PCNX2: variants seen among roughly 807,000 people sequenced by gnomAD.
The protein encoded by PCNX2 is pecanex 2.
PCNX2 carries 168 observed loss-of-function variants against 223.8 expected under a neutral mutation model. The ratio of observed to expected loss-of-function variants is 0.75; its 90% CI spans 0.66 to 0.85. The LOEUF (loss-of-function observed/expected upper bound fraction) is 0.85, where lower values mean the gene tolerates loss of function less well. PCNX2 is among the 40% of genes least tolerant of loss of function. The pLI is 0.00. For synonymous variants in PCNX2, 1,006 were observed against 1,052.6 expected (o/e 0.96, Z 0.86); for missense variants, 2,507 against 2,675.5 (o/e 0.94, Z 1.39).
chr1:233,199,449 G>GTT (rs1414442089), intron 14 of PCNX2, among the ~76,000 whole-genome samples: 1 of 150,470 alleles, frequency 6.6e-6, no homozygotes, highest in African/African-American at 2.4e-5. Context: ...CCTATGTAGT[G>GTT]TATGTGTGTG....
chr1:233,072,867 T>G (rs908285169), intron 23 of PCNX2, among the ~76,000 whole-genome samples: 2 of 152,196 alleles, frequency 1.3e-5, no homozygotes, highest in Non-Finnish European at 2.9e-5. Flanking sequence ...CTCTCTGGCT[T>G]TGGTGTCAGG....
At chr1:233,198,840 G>C in intron 15 of PCNX2, 99 bp downstream of exon 15, 1 of 1,189,696 alleles carries the variant, frequency 8.4e-7, no homozygotes, top group Non-Finnish European at 1.2e-6. Context: ...GCACAGATCC[G>C]ATTTCTCTTG....
the PCNX2 span, among the ~76,000 whole-genome samples, chr1:233,321,541 G>A: frequency 2.6e-5 from 4 of 152,056 alleles, no homozygotes; most frequent in Non-Finnish European, 5.9e-5. Context: ...CAAGTGATCC[G>A]CCCACCTTGG....
At chr1:233,169,442 C>A (rs904957900) in intron 17 of PCNX2, among the ~76,000 whole-genome samples, 1 of 151,530 alleles carries the variant, frequency 6.6e-6, no homozygotes, top group Non-Finnish European at 1.5e-5. Flanking sequence ...GTCAGGAGAT[C>A]GAGACCATCC....
At chr1:233,205,327 A>G (rs1375868901) in intron 13 of PCNX2, among the ~76,000 whole-genome samples, 1 of 152,232 alleles carries the variant, frequency 6.6e-6, no homozygotes, top group Non-Finnish European at 1.5e-5. Context: ...GTCCAAATGG[A>G]CTATAGCCTT....
In PCNX2 at chr1:233,236,989, G is replaced by C; in HGVS notation, c.2223-9C>G. 1 of 1,613,270 alleles carries C rather than the reference G, an allele frequency of 6.2e-7. No homozygotes were observed. Among genetic ancestry groups the C allele is most frequent in the East Asian group, 2.2e-5 (1 of 44,846 alleles). On this transcript the variant is annotated splice_polypyrimidine_tract_variant and intron_variant, in intron 8 of 33. Transcript: ENST00000258229. The stretch of plus-strand genomic sequence containing the variant: ...AGCTGACCTGCATCTCTCTGAGGAT[G>C]GGCAAAACAAAAGCTTTGGTTACCT...
intron 23 of PCNX2, among the ~76,000 whole-genome samples, chr1:233,066,954 T>C (rs532767534): frequency 1.1e-4 from 16 of 152,090 alleles, no homozygotes; most frequent in Non-Finnish European, 1.6e-4. Context: ...GTGGGGAATC[T>C]GAACTCCCAC....
the PCNX2 span, among the ~76,000 whole-genome samples, chr1:233,315,905 T>C: frequency 6.6e-6 from 1 of 152,178 alleles, no homozygotes; most frequent in African/African-American, 2.4e-5. Flanking sequence ...AAGAGTCCAA[T>C]GAATTGTAAA....
upstream of PCNX2, among the ~76,000 whole-genome samples, chr1:233,297,169 C>T (rs560414466): frequency 2.6e-5 from 4 of 152,258 alleles, no homozygotes; most frequent in Admixed American, 6.5e-5. Flanking sequence ...ATTAAAGGAG[C>T]GCCGTCACGT....
rs1347123354 is a variant in PCNX2, at chr1:233,265,465, G to C, written c.154-2302C>G. ...CAAGTGCTGGCTTAGACAATTATGA[G>C]CTAGGTGCCTCCCGCATCCCACTCT... On this transcript the variant is annotated intron_variant, in intron 1 of 33. Coordinates refer to ENST00000258229, the MANE Select transcript of PCNX2 (RefSeq NM_014801.4). Among the ~76,000 whole-genome samples, 3 of 152,160 alleles carry C rather than the reference G, an allele frequency of 2.0e-5. No homozygotes were observed. The East Asian group carries it at 5.8e-4, about 29-fold the overall frequency.
In PCNX2 at chr1:233,128,459, G is replaced by A. The variant is rs533186590; in HGVS notation, c.3837+6554C>T. On this transcript the variant is annotated intron_variant, in intron 21 of 33. Transcript: ENST00000258229. Reference sequence around the variant, plus strand: ...AAGCAATTCTCCTGCCTCAGCCTCCGGAGTAGCTGGGATTACAGGCATGTG... The same window carrying A: ...AAGCAATTCTCCTGCCTCAGCCTCCAGAGTAGCTGGGATTACAGGCATGTG... Among the ~76,000 whole-genome samples, 15 of 151,898 alleles carry A rather than the reference G, an allele frequency of 9.9e-5. No homozygotes were observed. In the South Asian group the frequency reaches 2.7e-3, roughly 27 times the overall value.
intron 10 of PCNX2, among the ~76,000 whole-genome samples, chr1:233,222,651 T>C (rs1657454204): frequency 6.6e-6 from 1 of 152,072 alleles, no homozygotes; most frequent in African/African-American, 2.4e-5. Flanking sequence ...ACATTGACAC[T>C]GGAAAGATGC....
intron 28 of PCNX2, among the ~76,000 whole-genome samples, chr1:233,013,225 A>G (rs1056223477): frequency 1.3e-5 from 2 of 152,182 alleles, no homozygotes; most frequent in African/African-American, 4.8e-5. Context: ...ACCTGTAAAA[A>G]CGATCATGAA....
chr1:233,076,891 C>T (rs1231033256), intron 23 of PCNX2, among the ~76,000 whole-genome samples: 1 of 152,156 alleles, frequency 6.6e-6, no homozygotes, highest in Non-Finnish European at 1.5e-5. Flanking sequence ...TGCCCAAGAA[C>T]AAGTCTGCAG....
At chr1:233,070,688 C>A (rs1169766699) in intron 23 of PCNX2, among the ~76,000 whole-genome samples, 1 of 151,452 alleles carries the variant, frequency 6.6e-6, no homozygotes, top group African/African-American at 2.4e-5. Flanking sequence ...AAAAAAAACT[C>A]TCAGAAAAAT....
At chr1:233,200,383 C>CA in intron 13 of PCNX2, 119 bp from the exon 14 acceptor site, 1 of 210,446 alleles carries the variant, frequency 4.8e-6, no homozygotes. Flanking sequence ...TGGAGGCAAT[C>CA]TTTTTTTTTT....
intron 15 of PCNX2, among the ~76,000 whole-genome samples, chr1:233,182,683 C>A (rs952832313): frequency 6.6e-6 from 1 of 152,106 alleles, no homozygotes; most frequent in Non-Finnish European, 1.5e-5. Flanking sequence ...GCCCTCCTGC[C>A]TTTGCCTACA....
chr1:233,056,620 T>C (rs556231523), intron 24 of PCNX2, among the ~76,000 whole-genome samples: 3 of 152,294 alleles, frequency 2.0e-5, no homozygotes, highest in South Asian at 4.1e-4. Flanking sequence ...AATTCAAATA[T>C]AGATAATGAG....
chr1:233,089,215 A>G (rs1043585559), intron 23 of PCNX2, among the ~76,000 whole-genome samples: 3 of 152,218 alleles, frequency 2.0e-5, no homozygotes, highest in African/African-American at 7.2e-5. Flanking sequence ...AGGGTTTAAA[A>G]GTAATAAATA....
Sources: allele counts gnomAD v4.1 joint callset (sites outside exome capture counted in the v4.1 genomes callset), GRCh38; gene constraint gnomAD v4.1.1; transcripts MANE v1.5; gene names NCBI Gene and HGNC (gene_info 2026-07-23, HGNC 2026-07-21).